Variants in SHISA6 observed in about 807,000 individuals in gnomAD.
SHISA6 encodes protein shisa-6.
SHISA6 carries 22 observed loss-of-function variants against 47.9 expected under a neutral mutation model. The observed-to-expected ratio is 0.46, with a 90% CI of 0.33 to 0.66. SHISA6 has a LOEUF of 0.66. Ranked by LOEUF, SHISA6 falls within the 30% of genes least tolerant of loss-of-function variation. SHISA6 has a pLI of 0.02. For missense variants in SHISA6, 680 were observed against 764.6 expected, an observed-to-expected ratio of 0.89 and a Z score of 1.30; for synonymous variants, 388 against 337.8, an observed-to-expected ratio of 1.15 and a Z score of -1.63.
chr17:11,427,426 C>T (rs964166244), intron 3 of SHISA6, among the ~76,000 whole-genome samples: 38 of 152,126 alleles, frequency 2.5e-4, no homozygotes, highest in African/African-American at 8.0e-4. Context: ...AGCCACCGCG[C>T]CCGGCCCTTC....
At chr17:11,401,474 T>C (rs1419618563) in intron 3 of SHISA6, among the ~76,000 whole-genome samples, 1 of 152,218 alleles carries the variant, frequency 6.6e-6, no homozygotes, top group African/African-American at 2.4e-5. Context: ...GCTGAGATTA[T>C]AGGCATGAGC....
intron 3 of SHISA6, among the ~76,000 whole-genome samples, chr17:11,444,107 T>C (rs1915167358): frequency 6.6e-6 from 1 of 152,108 alleles, no homozygotes; most frequent in African/African-American, 2.4e-5. Flanking sequence ...TCACTTGAGG[T>C]CAGGAGTTGG....
chr17:11,547,851 A>G (rs1227735376), intron 3 of SHISA6, among the ~76,000 whole-genome samples: 1 of 152,238 alleles, frequency 6.6e-6, no homozygotes, highest in African/African-American at 2.4e-5. Context: ...AAGTTCATAT[A>G]TGAAGATTTT....
intron 3 of SHISA6, among the ~76,000 whole-genome samples, chr17:11,429,087 C>A (rs1043940768): frequency 6.6e-6 from 1 of 152,202 alleles, no homozygotes; most frequent in Non-Finnish European, 1.5e-5. Context: ...CCGTGCCCGG[C>A]CAAGGGATCC....
chr17:11,274,302 C>T (rs1157567318), intron 2 of SHISA6, among the ~76,000 whole-genome samples: 4 of 152,200 alleles, frequency 2.6e-5, no homozygotes, highest in Admixed American at 6.5e-5. Flanking sequence ...AGAATATGGC[C>T]GGGCTGTTCC....
chr17:11,281,343 G>A (rs9900636), intron 2 of SHISA6, among the ~76,000 whole-genome samples: 148,036 of 152,258 alleles, frequency 0.97, 72,041 homozygotes, highest in East Asian at 1. Flanking sequence ...GCTAGTTTGT[G>A]GAGAGTTTTT....
chr17:11,503,358 C>A (rs1419767792), intron 3 of SHISA6, among the ~76,000 whole-genome samples: 1 of 150,334 alleles, frequency 6.7e-6, no homozygotes, highest in East Asian at 2.0e-4. Flanking sequence ...CCCCTTCGGT[C>A]ATTTGCAATC....
At chr17:11,491,810 C>T (rs1454737272) in intron 3 of SHISA6, among the ~76,000 whole-genome samples, 2 of 141,010 alleles carry the variant, frequency 1.4e-5, no homozygotes, top group Admixed American at 1.5e-4. Flanking sequence ...CTCCCTCTGT[C>T]GCCCAGGCTG....
intron 3 of SHISA6, among the ~76,000 whole-genome samples, chr17:11,452,121 G>A (rs1401052747): frequency 6.6e-6 from 1 of 152,220 alleles, no homozygotes; most frequent in Admixed American, 6.5e-5. Flanking sequence ...AGTGGTCAGA[G>A]GCTCTTCACG....
intron 2 of SHISA6, among the ~76,000 whole-genome samples, chr17:11,277,243 C>CTT (rs1908936931): frequency 1.7e-5 from 1 of 57,808 alleles, no homozygotes; most frequent in Non-Finnish European, 3.2e-5. Context: ...GTTTCTCTTT[C>CTT]TCTCTCTCTC....
At position 11,463,410 on chromosome 17, in the gene SHISA6, T is replaced by G. The variant is rs563489000; in HGVS notation, c.895+83901T>G. 7.9e-5 allele frequency among the ~76,000 whole-genome samples: 12 copies of G among 152,312 alleles called. No individual in the cohort carries two copies. In the East Asian group the frequency reaches 1.4e-3, roughly 17 times the overall value. On this transcript the variant is annotated intron_variant, in intron 3 of 5. Transcript: ENST00000441885. ...TAAAAGGTTTTTTTAAAGAAAATAC[T>G]GAAGAACAACAAGAAAATAAAAGTT...
At chr17:11,272,407 T>G (rs1192796064) in intron 2 of SHISA6, among the ~76,000 whole-genome samples, 1 of 152,144 alleles carries the variant, frequency 6.6e-6, no homozygotes, top group African/African-American at 2.4e-5. Flanking sequence ...CTTGGTGGCA[T>G]CCTGGGCTCC....
At chr17:11,549,595 C>G (rs1351218479) in intron 3 of SHISA6, among the ~76,000 whole-genome samples, 2 of 152,130 alleles carry the variant, frequency 1.3e-5, no homozygotes, top group Non-Finnish European at 2.9e-5. Flanking sequence ...CAGCACAGAG[C>G]AAGAAGCCTA....
intron 3 of SHISA6, among the ~76,000 whole-genome samples, chr17:11,466,702 C>A (rs1236764530): frequency 6.6e-6 from 1 of 152,136 alleles, no homozygotes; most frequent in Non-Finnish European, 1.5e-5. Flanking sequence ...TTTTTCTGAA[C>A]TTTGAGGCTT....
intron 2 of SHISA6, among the ~76,000 whole-genome samples, chr17:11,291,191 C>T (rs1443013590): frequency 6.6e-6 from 1 of 151,940 alleles, no homozygotes; most frequent in Non-Finnish European, 1.5e-5. Context: ...AATAAAAACA[C>T]AGGACAAGGA....
intron 3 of SHISA6, among the ~76,000 whole-genome samples, chr17:11,406,384 A>C (rs2142268491): frequency 6.6e-6 from 1 of 152,294 alleles, no homozygotes; most frequent in South Asian, 2.1e-4. Flanking sequence ...CATTGCTCAG[A>C]CTGTCTTAAC....
chr17:11,410,958 T>G (rs11656008), intron 3 of SHISA6, among the ~76,000 whole-genome samples: 1 of 151,940 alleles, frequency 6.6e-6, no homozygotes. Flanking sequence ...TGTCTATTTT[T>G]TTTATTTTTT....
chr17:11,493,905 C>A (rs2142340608), intron 3 of SHISA6, among the ~76,000 whole-genome samples: 1 of 128,012 alleles, frequency 7.8e-6, no homozygotes, highest in African/African-American at 2.7e-5. Context: ...AAATTCTGTT[C>A]TCCCTTCTAT....
intron 2 of SHISA6, among the ~76,000 whole-genome samples, chr17:11,293,786 AC>A (rs1204143191): frequency 6.6e-6 from 1 of 152,190 alleles, no homozygotes; most frequent in East Asian, 1.9e-4. Flanking sequence ...TGAGGATTCA[AC>A]CGGGTCACAC....
Sources: allele counts gnomAD v4.1 joint callset (sites outside exome capture counted in the v4.1 genomes callset), GRCh38; gene constraint gnomAD v4.1.1; transcripts MANE v1.5; gene names NCBI Gene and HGNC (gene_info 2026-07-23, HGNC 2026-07-21).